Variants in GLIS1 observed in about 807,000 individuals in gnomAD.
The protein encoded by GLIS1 is GLIS family zinc finger 1, also known as zinc finger protein GLIS1.
A neutral mutation model predicts 63.8 loss-of-function variants in GLIS1; 24 were observed. The observed-to-expected ratio is 0.38, with a 90% CI of 0.27 to 0.53. The LOEUF (loss-of-function observed/expected upper bound fraction) is 0.53, where lower values mean the gene tolerates loss of function less well. Ranked by LOEUF, GLIS1 falls within the 20% of genes least tolerant of loss-of-function variation. The pLI is 0.85. For synonymous variants in GLIS1, 450 were observed against 482.5 expected (o/e 0.93, Z 0.88); for missense variants, 1,036 against 1,074.1 (o/e 0.96, Z 0.50).
intron 2 of GLIS1, among the ~76,000 whole-genome samples, chr1:53,695,324 T>C (rs1437525757): frequency 1.3e-5 from 2 of 152,156 alleles, no homozygotes. Context: ...GGGGAGGATG[T>C]GTACGAAACA....
At chr1:53,699,320 T>C (rs1646499670) in intron 2 of GLIS1, among the ~76,000 whole-genome samples, 1 of 152,184 alleles carries the variant, frequency 6.6e-6, no homozygotes, top group Non-Finnish European at 1.5e-5. Flanking sequence ...CACCTCGGCC[T>C]CCCAAAGTGC....
intron 2 of GLIS1, among the ~76,000 whole-genome samples, chr1:53,696,334 C>T (rs1646464518): frequency 2.6e-5 from 4 of 152,224 alleles, no homozygotes; most frequent in Admixed American, 2.6e-4. Flanking sequence ...TCACTATTCC[C>T]CACTTGAAAC....
At chr1:53,647,482 G>A (rs927473431) in intron 2 of GLIS1, among the ~76,000 whole-genome samples, 1 of 152,094 alleles carries the variant, frequency 6.6e-6, no homozygotes, top group Non-Finnish European at 1.5e-5. Flanking sequence ...TGGCTCAATC[G>A]GATTTCTATA....
chr1:53,620,805 G>T (rs1430156561), intron 2 of GLIS1, among the ~76,000 whole-genome samples: 1 of 152,212 alleles, frequency 6.6e-6, no homozygotes, highest in Non-Finnish European at 1.5e-5. Flanking sequence ...ACCCAGCCTG[G>T]TGCCTGTTCT....
chr1:53,529,763 G>T, intron 5 of GLIS1, 28 bp downstream of exon 5: 1 of 1,602,284 alleles, frequency 6.2e-7, no homozygotes. Flanking sequence ...CCTCCACCCC[G>T]CCCTGGGCCT....
At chr1:53,660,879 C>T in intron 2 of GLIS1, among the ~76,000 whole-genome samples, 1 of 152,070 alleles carries the variant, frequency 6.6e-6, no homozygotes, top group Non-Finnish European at 1.5e-5. Flanking sequence ...GCCGAGCTGA[C>T]TCTCCCAGCT....
chr1:53,678,148 C>T (rs1019557872), intron 2 of GLIS1, among the ~76,000 whole-genome samples: 5 of 152,136 alleles, frequency 3.3e-5, no homozygotes, highest in African/African-American at 1.2e-4. Flanking sequence ...AGGCAGTGGG[C>T]ACCCCCATCA....
chr1:53,510,546 GTGT>G (rs1644288706), intron 8 of GLIS1, among the ~76,000 whole-genome samples: 1 of 152,188 alleles, frequency 6.6e-6, no homozygotes, highest in Admixed American at 6.5e-5. Flanking sequence ...TGGGAGACAG[GTGT>G]TCTTGTGTCC....
chr1:53,568,767 C>T (rs1644957789), intron 4 of GLIS1, among the ~76,000 whole-genome samples: 1 of 152,202 alleles, frequency 6.6e-6, no homozygotes, highest in Non-Finnish European at 1.5e-5. Flanking sequence ...GCTTCCCCTT[C>T]ACCTTACACC....
chr1:53,720,165 G>C (rs1646739574), intron 2 of GLIS1, among the ~76,000 whole-genome samples: 1 of 152,122 alleles, frequency 6.6e-6, no homozygotes, highest in African/African-American at 2.4e-5. Context: ...AACAGAGCAA[G>C]ACTCTGTATC....
At chr1:53,663,724 G>C (rs763312884) in intron 2 of GLIS1, among the ~76,000 whole-genome samples, 1 of 152,166 alleles carries the variant, frequency 6.6e-6, no homozygotes, top group African/African-American at 2.4e-5. Context: ...TGGAGCCCGG[G>C]GAACACTGGC....
At chr1:53,544,269 C>T (rs1435640875) in intron 4 of GLIS1, among the ~76,000 whole-genome samples, 2 of 152,038 alleles carry the variant, frequency 1.3e-5, no homozygotes, top group African/African-American at 4.8e-5. Flanking sequence ...AGTCAGGAGC[C>T]CGGGGTTGCC....
intron 2 of GLIS1, among the ~76,000 whole-genome samples, chr1:53,714,710 G>T (rs1305041831): frequency 1.3e-5 from 2 of 152,286 alleles, no homozygotes; most frequent in African/African-American, 4.8e-5. Context: ...GAGATGAGAT[G>T]AATTAAGTGT....
intron 4 of GLIS1, among the ~76,000 whole-genome samples, chr1:53,577,889 G>A (rs1645048477): frequency 1.3e-5 from 2 of 152,050 alleles, no homozygotes; most frequent in South Asian, 2.1e-4. Context: ...CACTCCAAGC[G>A]AGGCTTCGTT....
intron 2 of GLIS1, among the ~76,000 whole-genome samples, chr1:53,626,915 G>T (rs1028043212): frequency 6.6e-6 from 1 of 152,242 alleles, no homozygotes; most frequent in Non-Finnish European, 1.5e-5. Flanking sequence ...ATAAATAAAT[G>T]CATGCAATTC....
intron 2 of GLIS1, among the ~76,000 whole-genome samples, chr1:53,728,115 T>C (rs1322715989): frequency 6.7e-6 from 1 of 149,908 alleles, no homozygotes; most frequent in Non-Finnish European, 1.5e-5. Context: ...ACTCTGCCCC[T>C]GTCTTCAAGG....
intron 2 of GLIS1, among the ~76,000 whole-genome samples, chr1:53,655,200 C>T (rs2141079): frequency 0.44 from 66,763 of 151,978 alleles, 17,181 homozygotes; most frequent in Non-Finnish European, 0.55. Flanking sequence ...CCTTTCTCAC[C>T]TGACACCTTA....
At chr1:53,537,073 G>A (rs753343414) in intron 4 of GLIS1, among the ~76,000 whole-genome samples, 1 of 152,234 alleles carries the variant, frequency 6.6e-6, no homozygotes, top group African/African-American at 2.4e-5. Flanking sequence ...TTACTGCTGC[G>A]TGCCGCTCAC....
chr1:53,680,037 C>T lies in GLIS1; in HGVS notation c.259+57769G>A, dbSNP rs549862834. Among the ~76,000 whole-genome samples, 13 of 152,252 alleles carry T rather than the reference C, an allele frequency of 8.5e-5. 1 individual carries two copies. The South Asian group carries it at 1.5e-3, about 17-fold the overall frequency. On this transcript the variant is annotated intron_variant, in intron 2 of 10. Coordinates refer to ENST00000628545, the MANE Select transcript of GLIS1 (RefSeq NM_001367484.1). The stretch of plus-strand genomic sequence containing the variant: ...ATCCAGGCCACATGTCTTTGAACTC[C>T]TCAAGGTCAGGTGCCAGGTCGAATT...
Sources: gnomAD v4.1 joint callset for allele counts (sites outside exome capture counted in the v4.1 genomes callset) on GRCh38, gnomAD v4.1.1 for gene constraint, MANE v1.5 for transcripts, NCBI Gene and HGNC (gene_info 2026-07-23, HGNC 2026-07-21) for gene names.